The following PRKN variants were observed in gnomAD, a reference collection of about 807,000 sequenced individuals.
PRKN encodes parkin RBR E3 ubiquitin protein ligase, also known as E3 ubiquitin-protein ligase parkin.
PRKN carries 56 observed loss-of-function variants against 59.5 expected under a neutral mutation model. The ratio of observed to expected loss-of-function variants is 0.94; its 90% CI spans 0.76 to 1.18. The LOEUF is 1.18. Among genes scored for constraint, PRKN ranks in the 50% most tolerant of loss-of-function variants. PRKN has a pLI of 0.00. For synonymous variants in PRKN, 250 were observed against 222.1 expected, an observed-to-expected ratio of 1.13 and a Z score of -1.12; for missense variants, 657 against 596.4, an observed-to-expected ratio of 1.10 and a Z score of -1.06.
chr6:162,017,502 T>C (rs1405654371), intron 5 of PRKN, among the ~76,000 whole-genome samples: 1 of 152,302 alleles, frequency 6.6e-6, no homozygotes, highest in East Asian at 1.9e-4. Context: ...TCTGACTAAA[T>C]GATAGAAAAT....
chr6:162,105,157 C>T (rs573095108), intron 4 of PRKN, among the ~76,000 whole-genome samples: 2 of 152,036 alleles, frequency 1.3e-5, no homozygotes, highest in African/African-American at 2.4e-5. Context: ...TGGCTCTAAA[C>T]GGGGATAGAA....
rs1313020091 is a variant in PRKN, at chr6:161,547,618, A to G, written c.1083+1236T>C. The stretch of plus-strand genomic sequence containing the variant: ...ATAATTTAGCCAGTAGTTAAAAACA[A>G]TTCATTAAAAGCTCATTTTAAAAGA... On this transcript the variant is annotated intron_variant, in intron 9 of 11. Coordinates refer to ENST00000366898, the MANE Select transcript of PRKN (RefSeq NM_004562.3). This position sits in a 1 kb window ranked among gnomAD's most constrained non-coding sequence, Gnocchi z 4.0. Among the ~76,000 whole-genome samples, 1 of 152,234 alleles carries G rather than the reference A, an allele frequency of 6.6e-6. No individual in the cohort carries two copies. Among genetic ancestry groups the G allele is most frequent in the African/African-American group, 2.4e-5 (1 of 41,460 alleles).
At chr6:161,880,202 G>A (rs1410653549) in intron 6 of PRKN, among the ~76,000 whole-genome samples, 3 of 152,052 alleles carry the variant, frequency 2.0e-5, no homozygotes, top group Non-Finnish European at 4.4e-5. Context: ...TATATTTTCA[G>A]AGCAAAAATC....
At chr6:161,358,147 C>A (rs575120197) in intron 11 of PRKN, among the ~76,000 whole-genome samples, 4 of 152,132 alleles carry the variant, frequency 2.6e-5, no homozygotes, top group South Asian at 2.1e-4. Flanking sequence ...GTGTGTTTGC[C>A]TATTATATAT....
Position 161,475,366 on chromosome 6 carries a change from A to C in PRKN, c.1083+73488T>G, listed in dbSNP as rs1791015496. ...TTGTTTTTGGTCATCACGAGGAAGG[A>C]GGGTACTCATTCTCATGCATGGTTT... On this transcript the variant is annotated intron_variant, in intron 9 of 11. Coordinates refer to ENST00000366898, the MANE Select transcript of PRKN (RefSeq NM_004562.3). This position sits in a 1 kb window ranked among gnomAD's most constrained non-coding sequence, Gnocchi z 5.3. Among the ~76,000 whole-genome samples the C allele has an allele frequency of 6.6e-6, 1 of 152,164 alleles. No homozygotes were observed. Among genetic ancestry groups the C allele is most frequent in the South Asian group, 2.1e-4 (1 of 4,832 alleles).
chr6:162,359,079 A>AAAATAT (rs57265104), intron 2 of PRKN, among the ~76,000 whole-genome samples: 19 of 83,246 alleles, frequency 2.3e-4, no homozygotes, highest in East Asian at 5.5e-4. Flanking sequence ...AAAAAAAAAA[A>AAAATAT]ATATATATAT....
At chr6:162,207,988 A>G (rs1785032936) in intron 3 of PRKN, among the ~76,000 whole-genome samples, 1 of 152,202 alleles carries the variant, frequency 6.6e-6, no homozygotes, top group Admixed American at 6.5e-5. Flanking sequence ...ACACCCTTTA[A>G]ATTGTTGGGA....
chr6:162,444,138 C>T lies in PRKN; in HGVS notation c.8-665G>A, dbSNP rs548467823. ...ATCCTCTAGTCTGTCTGTCTGCATG[C>T]CGTCTTCTCACTGCACCTGCTGTCC... is the stretch of plus-strand genomic sequence containing the variant. On this transcript the variant is annotated intron_variant, in intron 1 of 11. Transcript: ENST00000366898. Among the ~76,000 whole-genome samples, 13 of 152,258 alleles carry T rather than the reference C, an allele frequency of 8.5e-5. No individual in the cohort carries two copies. In the South Asian group the frequency reaches 2.7e-3, roughly 32 times the overall value.
chr6:162,444,294 C>T (rs1790202335), intron 1 of PRKN, among the ~76,000 whole-genome samples: 1 of 152,032 alleles, frequency 6.6e-6, no homozygotes, highest in Non-Finnish European at 1.5e-5. Context: ...ACGCCATCAC[C>T]TCCAAAAGGC....
chr6:162,110,667 T>C (rs768983016), intron 4 of PRKN, among the ~76,000 whole-genome samples: 11 of 152,182 alleles, frequency 7.2e-5, no homozygotes, highest in Non-Finnish European at 1.5e-4. Flanking sequence ...TCTTGTCTAC[T>C]AATTGCATAA....
At chr6:161,615,747 C>A (rs9347528) in intron 7 of PRKN, among the ~76,000 whole-genome samples, 32,677 of 152,180 alleles carry the variant, frequency 0.21, 3,862 homozygotes, top group East Asian at 0.51. Context: ...CTTTTGCCTC[C>A]CTCTCCTCCT....
chr6:162,593,226 G>A (rs778723794), intron 1 of PRKN, among the ~76,000 whole-genome samples: 4 of 152,174 alleles, frequency 2.6e-5, no homozygotes, highest in Non-Finnish European at 4.4e-5. Context: ...CAAAGCTATC[G>A]AGGGCAATTG....
intron 4 of PRKN, among the ~76,000 whole-genome samples, chr6:162,138,513 T>A (rs1781641388): frequency 6.6e-6 from 1 of 151,874 alleles, no homozygotes; most frequent in African/African-American, 2.4e-5. Flanking sequence ...TCACTATGAA[T>A]CGTGCAAAGA....
At chr6:162,641,349 G>A (rs562947473) in intron 1 of PRKN, among the ~76,000 whole-genome samples, 1 of 152,042 alleles carries the variant, frequency 6.6e-6, no homozygotes, top group South Asian at 2.1e-4. Context: ...ATTTTACACT[G>A]AAATTTTTTT....
Position 161,530,659 on chromosome 6 carries a change from G to T in PRKN, c.1083+18195C>A, listed in dbSNP as rs1224678826. 6.6e-6 allele frequency among the ~76,000 whole-genome samples: 1 copy of T among 152,018 alleles called. No individual in the cohort carries two copies. Among genetic ancestry groups the T allele is most frequent in the Non-Finnish European group, 1.5e-5 (1 of 68,016 alleles). On this transcript the variant is annotated intron_variant, in intron 9 of 11. Coordinates refer to ENST00000366898, the MANE Select transcript of PRKN (RefSeq NM_004562.3). The surrounding 1 kb of genome is among the most constrained non-coding windows in gnomAD (Gnocchi z 5.0). ...GCCTCCCAAGTAGCTGGGATTACAG[G>T]CATTTACCACCACGCCTGGCTAATT...
intron 4 of PRKN, among the ~76,000 whole-genome samples, chr6:162,161,618 T>C (rs1194292902): frequency 6.6e-6 from 1 of 152,164 alleles, no homozygotes; most frequent in African/African-American, 2.4e-5. Flanking sequence ...CCATTGTTCA[T>C]TGACATTGTC....
At chr6:162,537,718 CA>C (rs1462247080) in intron 1 of PRKN, among the ~76,000 whole-genome samples, 8 of 152,296 alleles carry the variant, frequency 5.3e-5, no homozygotes, top group African/African-American at 1.7e-4. Context: ...ATTTCTACAT[CA>C]GCTTCCTGTA....
At chr6:161,724,624 T>C (rs374221406) in intron 7 of PRKN, among the ~76,000 whole-genome samples, 95 of 152,352 alleles carry the variant, frequency 6.2e-4, no homozygotes, top group African/African-American at 2.1e-3. Flanking sequence ...TTTCATAGCC[T>C]CTGTACTAAA....
intron 7 of PRKN, among the ~76,000 whole-genome samples, chr6:161,705,661 C>T (rs1052379305): frequency 1.1e-4 from 16 of 152,284 alleles, no homozygotes; most frequent in African/African-American, 3.4e-4. Flanking sequence ...ACTAAGTTCA[C>T]TGGCTGCATT....
Sources: gnomAD v4.1 joint callset for allele counts (sites outside exome capture counted in the v4.1 genomes callset) on GRCh38, gnomAD v4.1.1 for gene constraint, Gnocchi (gnomAD v3.1) non-coding constraint, MANE v1.5 for transcripts, NCBI Gene and HGNC (gene_info 2026-07-23, HGNC 2026-07-21) for gene names.